The following KALRN variants were observed in gnomAD, a reference collection of about 807,000 sequenced individuals.
KALRN encodes kalirin.
In KALRN, 70 loss-of-function variants were observed where a neutral mutation model predicts 353.7. The observed-to-expected ratio is 0.20, with a 90% CI of 0.16 to 0.24. The LOEUF (loss-of-function observed/expected upper bound fraction) is 0.24, where lower values mean the gene tolerates loss of function less well. Among genes scored for constraint, KALRN ranks in the 10% least tolerant of loss-of-function variants. The pLI is 1.00. For missense variants in KALRN, 2,791 were observed against 3,756.7 expected (o/e 0.74, Z 6.72); for synonymous variants, 1,391 against 1,434.8 (o/e 0.97, Z 0.69).
At chr3:124,609,016 G>A (rs905142159) in intron 34 of KALRN, among the ~76,000 whole-genome samples, 1 of 152,206 alleles carries the variant, frequency 6.6e-6, no homozygotes, top group Admixed American at 6.5e-5. Context: ...CTGGAACTCT[G>A]AGACTTAGCC....
At chr3:124,361,329 CAG>C (rs1216268203) in intron 10 of KALRN, among the ~76,000 whole-genome samples, 8 of 152,216 alleles carry the variant, frequency 5.3e-5, no homozygotes, top group African/African-American at 1.9e-4. Flanking sequence ...CAAAAAGAAA[CAG>C]AAATAATCCA....
chr3:124,212,659 A>G (rs1273043988), intron 1 of KALRN, among the ~76,000 whole-genome samples: 5 of 151,938 alleles, frequency 3.3e-5, no homozygotes, highest in Admixed American at 6.6e-5. Flanking sequence ...AGATCACTGT[A>G]TTATTATTAT....
intron 34 of KALRN, among the ~76,000 whole-genome samples, chr3:124,572,238 CT>C (rs1329769156): frequency 6.6e-6 from 1 of 151,088 alleles, no homozygotes; most frequent in Non-Finnish European, 1.5e-5. Flanking sequence ...GGGGGAAGGG[CT>C]GCAGTGGGAA....
chr3:124,397,912 A>G (rs2090366766), intron 12 of KALRN, among the ~76,000 whole-genome samples: 1 of 152,204 alleles, frequency 6.6e-6, no homozygotes, highest in Non-Finnish European at 1.5e-5. Context: ...TCCTTTCAGG[A>G]TTAATAATTA....
intron 21 of KALRN, among the ~76,000 whole-genome samples, chr3:124,447,455 A>G (rs1206489404): frequency 3.9e-5 from 6 of 152,206 alleles, no homozygotes; most frequent in Admixed American, 1.3e-4. Context: ...GGGAAATGCT[A>G]TAATAGAAGG....
chr3:124,527,581 G>A (rs1035366018), intron 33 of KALRN, among the ~76,000 whole-genome samples: 14 of 151,760 alleles, frequency 9.2e-5, no homozygotes, highest in Admixed American at 7.2e-4. Context: ...TCCAGCCTGG[G>A]CGACAGAGCA....
intron 5 of KALRN, among the ~76,000 whole-genome samples, chr3:124,277,120 C>T (rs1446139924): frequency 2.0e-5 from 3 of 152,180 alleles, no homozygotes; most frequent in Non-Finnish European, 4.4e-5. Flanking sequence ...GTGTCCTCAC[C>T]AGTGCTGTGG....
intron 33 of KALRN, among the ~76,000 whole-genome samples, chr3:124,512,367 G>T (rs752549482): frequency 6.6e-6 from 1 of 152,136 alleles, no homozygotes; most frequent in Non-Finnish European, 1.5e-5. Flanking sequence ...ACATGAAGGG[G>T]GTGGCCAGGT....
At chr3:124,639,950 C>A (rs1010176592) in intron 37 of KALRN, among the ~76,000 whole-genome samples, 6 of 152,188 alleles carry the variant, frequency 3.9e-5, no homozygotes, top group African/African-American at 1.4e-4. Context: ...TCTCTTTCTC[C>A]CCTTCCCACA....
intron 1 of KALRN, chr3:124,094,926 T>C (rs2149384704): frequency 6.2e-7 from 1 of 1,606,714 alleles, no homozygotes; most frequent in Non-Finnish European, 8.5e-7. Context: ...GTGTGTATGC[T>C]TGTATGAGAG....
At chr3:124,119,851 A>C (rs532208211) in intron 1 of KALRN, among the ~76,000 whole-genome samples, 1 of 152,314 alleles carries the variant, frequency 6.6e-6, no homozygotes, top group South Asian at 2.1e-4. Flanking sequence ...AGAACTTAGA[A>C]TGCTCTGATT....
At chr3:124,161,026 G>A (rs1487119006) in intron 1 of KALRN, among the ~76,000 whole-genome samples, 1 of 152,178 alleles carries the variant, frequency 6.6e-6, no homozygotes, top group African/African-American at 2.4e-5. Context: ...AGATGATGAA[G>A]TTCTAGAGAT....
At chr3:124,501,556 C>T (rs778938320) in intron 33 of KALRN, among the ~76,000 whole-genome samples, 9 of 152,130 alleles carry the variant, frequency 5.9e-5, no homozygotes, top group Non-Finnish European at 1.0e-4. Flanking sequence ...TATAATAAGC[C>T]GTAGCATGAC....
chr3:124,702,170 C>A, intron 57 of KALRN, 54 bp downstream of exon 57: 1 of 1,093,720 alleles, frequency 9.1e-7, no homozygotes, highest in Non-Finnish European at 1.4e-6. Flanking sequence ...AACATCACAT[C>A]AGAACAGTAA....
intron 5 of KALRN, among the ~76,000 whole-genome samples, chr3:124,296,774 G>A (rs534459772): frequency 1.0e-3 from 157 of 152,310 alleles, no homozygotes; most frequent in African/African-American, 3.6e-3. Flanking sequence ...TCGACACAGT[G>A]GGCTATCCCA....
chr3:124,563,612 A>T (rs942318743), intron 34 of KALRN, among the ~76,000 whole-genome samples: 4 of 152,166 alleles, frequency 2.6e-5, no homozygotes, highest in Non-Finnish European at 4.4e-5. Context: ...TGACTCCTTT[A>T]TGTGCCTTCA....
rs375570506 is a variant in KALRN at position 124,724,965 on chromosome 3, G to A, written c.*5495G>A. The A allele has an allele frequency of 1.3e-5, 2 of 152,162 alleles. No homozygotes were observed. The highest frequency in any genetic ancestry group is 6.5e-5 in the Admixed American group (1 of 15,274). 9.4% of individuals were successfully genotyped at this position (152,162 alleles called of 1,614,324 possible). On this transcript the variant is annotated 3_prime_UTR_variant, in exon 60 of 60. Coordinates refer to ENST00000682506, the MANE Select transcript of KALRN (RefSeq NM_001388419.1). Reference sequence around the variant, plus strand: ...TTTTTATTCAAATGATCAAGATAACGCATTAGTTAGATAACTGCTATTTCA... The same window carrying A: ...TTTTTATTCAAATGATCAAGATAACACATTAGTTAGATAACTGCTATTTCA...
intron 11 of KALRN, among the ~76,000 whole-genome samples, chr3:124,391,130 A>G (rs551080033): frequency 1.8e-4 from 28 of 152,330 alleles, no homozygotes; most frequent in African/African-American, 5.5e-4. Flanking sequence ...CTACATGTAT[A>G]TATCAGCATG....
intron 28 of KALRN, among the ~76,000 whole-genome samples, chr3:124,485,537 A>C (rs2062465563): frequency 1.3e-5 from 2 of 152,204 alleles, no homozygotes; most frequent in Non-Finnish European, 1.5e-5. Flanking sequence ...TGGAAAAATA[A>C]AGTGGCAGGA....
Sources: gnomAD v4.1 joint callset for allele counts (sites outside exome capture counted in the v4.1 genomes callset) on GRCh38, gnomAD v4.1.1 for gene constraint, MANE v1.5 for transcripts, NCBI Gene and HGNC (gene_info 2026-07-23, HGNC 2026-07-21) for gene names.